IFT122: variants seen among roughly 807,000 people sequenced by gnomAD.
The protein encoded by IFT122 is intraflagellar transport protein 122 homolog.
In IFT122, 118 loss-of-function variants were observed where a neutral mutation model predicts 161.6. The ratio of observed to expected loss-of-function variants is 0.73; its 90% CI spans 0.63 to 0.85. IFT122 has a LOEUF of 0.85. Among genes scored for constraint, IFT122 ranks in the 40% least tolerant of loss-of-function variants. IFT122 has a pLI of 0.00. For synonymous variants in IFT122, 550 were observed against 602.4 expected, an observed-to-expected ratio of 0.91 and a Z score of 1.27; for missense variants, 1,381 against 1,579.6, an observed-to-expected ratio of 0.87 and a Z score of 2.13.
Position 129,503,012 on chromosome 3 carries a change from GCAGT to G in IFT122, c.2547+134_2547+137del, listed in dbSNP as rs2081766386. ...TCGTGATGGAAGGAACATTGGGCTG[GCAGT>G]CAGGTAACTTAACCTCGAATTCTCT... On this transcript the variant is annotated intron_variant, in intron 20 of 29. Transcript: ENST00000348417. 5 of 806,222 alleles carry G rather than the reference GCAGT, an allele frequency of 6.2e-6. No individual in the cohort carries two copies. In the South Asian group the frequency reaches 6.9e-5, roughly 11 times the overall value. 49.9% of individuals were successfully genotyped at this position (806,222 alleles called of 1,614,324 possible).
chr3:129,504,540 C>T (rs2081987616), intron 21 of IFT122, 119 bp downstream of exon 21: 3 of 809,516 alleles, frequency 3.7e-6, no homozygotes, highest in Admixed American at 1.9e-5. Flanking sequence ...ATGACTTCAT[C>T]CTGGGGATGT....
chr3:129,454,513 T>TTGTGTGTGTGTGTG (rs61557048), intron 3 of IFT122, among the ~76,000 whole-genome samples: 1,856 of 131,172 alleles, frequency 0.014, 64 homozygotes, highest in African/African-American at 0.049. Flanking sequence ...GTAGTCATAT[T>TTGTGTGTGTGTGTG]TGTGTGTGTG....
chr3:129,512,049 T>C (rs2082898092), intron 23 of IFT122, among the ~76,000 whole-genome samples: 1 of 152,226 alleles, frequency 6.6e-6, no homozygotes. Context: ...TCTGTTCTAG[T>C]TGGTGACTTG....
At chr3:129,476,585 T>A in intron 10 of IFT122, 78 bp from the exon 11 acceptor site, 1 of 1,613,530 alleles carries the variant, frequency 6.2e-7, no homozygotes, top group South Asian at 1.1e-5. Flanking sequence ...GTCACATCAC[T>A]GGGGTTTGTG....
intron 21 of IFT122, among the ~76,000 whole-genome samples, chr3:129,504,637 G>A (rs145346042): frequency 1.3e-5 from 2 of 152,344 alleles, no homozygotes; most frequent in Non-Finnish European, 2.9e-5. Flanking sequence ...ACTTGCCACA[G>A]GCCCTTAAGA....
intron 5 of IFT122, among the ~76,000 whole-genome samples, chr3:129,462,796 C>A (rs2076329330): frequency 6.6e-6 from 1 of 152,182 alleles, no homozygotes. Flanking sequence ...TGCTATGAGG[C>A]ACTGAGCCAG....
chr3:129,516,829 G>T (rs111162338), intron 26 of IFT122, among the ~76,000 whole-genome samples: 1 of 93,646 alleles, frequency 1.1e-5, no homozygotes, highest in African/African-American at 4.4e-5. Context: ...CACACACACA[G>T]AGACTGCCCC....
rs928796428 is a variant in IFT122 at position 129,458,648 on chromosome 3, A to C, written c.243A>C (p.Thr81=). ...GSADKSVIIW[T]SKLEGILKYT... is the part of the protein sequence containing the mutation. Reference sequence around the variant, plus strand: ...CTGACAAAAGCGTTATTATCTGGACATCAAAACTGGAAGGCATTCTGAAGT... The same window carrying C: ...CTGACAAAAGCGTTATTATCTGGACCTCAAAACTGGAAGGCATTCTGAAGT... The change falls in exon 4 of 30, where the codon ACA becomes ACC. Residue 81 remains threonine (T), a synonymous_variant. Transcript: ENST00000348417. The C allele has an allele frequency of 1.9e-6, 3 of 1,613,924 alleles. No individual in the cohort carries two copies. The highest frequency in any genetic ancestry group is 2.5e-6 in the Non-Finnish European group (3 of 1,179,890).
intron 24 of IFT122, chr3:129,513,929 G>T (rs112587287): frequency 1.9e-5 from 6 of 321,798 alleles, no homozygotes; most frequent in Admixed American, 4.5e-5. Flanking sequence ...TCGGGGAAGG[G>T]TGTGCAGACA....
At chr3:129,489,663 C>T (rs2079794584) in intron 16 of IFT122, among the ~76,000 whole-genome samples, 2 of 151,872 alleles carry the variant, frequency 1.3e-5, no homozygotes, top group African/African-American at 4.8e-5. Context: ...CACGGTGAAA[C>T]CCCGTCTCTA....
At chr3:129,441,235 C>T (rs779490228) in intron 1 of IFT122, among the ~76,000 whole-genome samples, 3 of 152,182 alleles carry the variant, frequency 2.0e-5, no homozygotes, top group Non-Finnish European at 4.4e-5. Context: ...GCCACTGGAG[C>T]AGGTTACTTG....
chr3:129,466,116 C>G (rs2076746351), intron 7 of IFT122, among the ~76,000 whole-genome samples: 1 of 152,116 alleles, frequency 6.6e-6, no homozygotes, highest in Admixed American at 6.6e-5. Context: ...ACCCTATATG[C>G]TCTTTATATA....
Position 129,440,250 on chromosome 3 carries a change from G to C in IFT122, c.-81G>C. The C allele has an allele frequency of 6.5e-7, 1 of 1,527,934 alleles. No individual in the cohort carries two copies. Among genetic ancestry groups the C allele is most frequent in the South Asian group, 1.2e-5 (1 of 83,656 alleles). The allele number at this position is 1,527,934 out of a possible 1,614,324, so 94.6% of individuals were successfully genotyped here. A position where few individuals can be genotyped will look rare whatever the true frequency, so the allele number is the denominator to read the frequency against. Reference sequence around the variant, plus strand: ...ACGCAGGTAGCCAAAGTGGCTTGTGGAGTGGCGACCGTTAGTGAGGCGGTT... The same window carrying C: ...ACGCAGGTAGCCAAAGTGGCTTGTGCAGTGGCGACCGTTAGTGAGGCGGTT... On this transcript the variant is annotated 5_prime_UTR_variant, in exon 1 of 30. Transcript: ENST00000348417.
At chr3:129,461,357 A>G in intron 5 of IFT122, 53 bp downstream of exon 5, 1 of 1,216,330 alleles carries the variant, frequency 8.2e-7, no homozygotes, top group South Asian at 1.2e-5. Context: ...ATCTGGGCTA[A>G]AAATGCTAAA....
rs147394250 is a variant in IFT122 at position 129,485,185 on chromosome 3, C to T, written c.1851+1503C>T. Among the ~76,000 whole-genome samples, 590 of 152,314 alleles carry T rather than the reference C, an allele frequency of 3.9e-3. 2 individuals are homozygous for T. The highest frequency in any genetic ancestry group is 6.6e-3 in the Non-Finnish European group (451 of 68,036). ...GGTCCTTGCACCTGTCCCAACTTGGCGCCTTGGCATAAATTCCTAGAAATG... is the reference window on the plus strand; with the variant it reads ...GGTCCTTGCACCTGTCCCAACTTGGTGCCTTGGCATAAATTCCTAGAAATG... On this transcript the variant is annotated intron_variant, in intron 15 of 29. Transcript: ENST00000348417.
rs1388713282 is a variant in IFT122, at chr3:129,479,794, C to T, written c.1360C>T (p.Leu454=). Residue 454 remains leucine, a synonymous_variant, in exon 13 of 30, where the codon CTG becomes TTG. Transcript: ENST00000348417. The part of the protein sequence containing the change: ...NHIILCQEKR[L]QCLSFSGVKE... ...TGGGTTTGCTTCCTAGGAGAAACGG[C>T]TGCAGTGCCTGTCCTTCAGCGGAGT... The T allele has an allele frequency of 6.2e-7, 1 of 1,613,968 alleles. No homozygotes were observed. Among genetic ancestry groups the T allele is most frequent in the South Asian group, 1.1e-5 (1 of 91,066 alleles).
At chr3:129,488,163 A>G (rs574586658) in intron 15 of IFT122, 94 bp from the exon 16 acceptor site, 640 of 1,601,286 alleles carry the variant, frequency 4.0e-4, no homozygotes, top group African/African-American at 1.2e-3. Flanking sequence ...ATGGGTAATC[A>G]TCCCACGCAT....
In IFT122 at chr3:129,514,429, G is replaced by A. The variant is rs747929259; in HGVS notation, c.3028G>A (p.Gly1010Ser). 23 of 1,614,054 alleles carry A rather than the reference G, an allele frequency of 1.4e-5. No homozygotes were observed. Among genetic ancestry groups the A allele is most frequent in the East Asian group, 6.7e-5 (3 of 44,892 alleles). ...CTTGGCCAAGCAGAGCAAGGCCCTC[G>A]GTGCCTACAGGCTGGCCCGGCACGC... ...FTLAKQSKAL[G>S]AYRLARHAYD... The change falls in exon 25 of 30, where the codon GGT becomes AGT. Residue 1010 changes from glycine (G) to serine (S), a missense_variant. By Grantham distance (56) the Gly-to-Ser change is moderately conservative (BLOSUM62 0). Coordinates refer to ENST00000348417, the MANE Select transcript of IFT122 (RefSeq NM_052989.3).
intron 14 of IFT122, among the ~76,000 whole-genome samples, chr3:129,482,477 T>C (rs1175171502): frequency 6.6e-6 from 1 of 152,206 alleles, no homozygotes; most frequent in Non-Finnish European, 1.5e-5. Context: ...CCTGATGTTA[T>C]GGGCAGATTC....
Sources: gnomAD v4.1 joint callset for allele counts (sites outside exome capture counted in the v4.1 genomes callset) on GRCh38, gnomAD v4.1.1 for gene constraint, MANE v1.5 for transcripts, NCBI Gene and HGNC (gene_info 2026-07-23, HGNC 2026-07-21) for gene names.